The following TENM2 variants were observed in gnomAD, a reference collection of about 807,000 sequenced individuals.
TENM2 encodes teneurin-2.
A neutral mutation model predicts 245.2 loss-of-function variants in TENM2; 52 were observed. The ratio of observed to expected loss-of-function variants is 0.21; its 90% CI spans 0.17 to 0.27. The LOEUF (loss-of-function observed/expected upper bound fraction) is 0.27, where lower values mean the gene tolerates loss of function less well. TENM2 is among the 10% of genes least tolerant of loss of function. The probability of loss-of-function intolerance (pLI) is 1.00; values close to 1 mark genes in which losing one functional copy is unlikely to be tolerated. For synonymous variants in TENM2, 1,363 were observed against 1,438.9 expected, an observed-to-expected ratio of 0.95 and a Z score of 1.19; for missense variants, 3,046 against 3,666.8, an observed-to-expected ratio of 0.83 and a Z score of 4.37.
intron 2 of TENM2, among the ~76,000 whole-genome samples, chr5:167,479,636 A>C (rs1052864484): frequency 6.6e-6 from 1 of 152,200 alleles, no homozygotes; most frequent in Admixed American, 6.5e-5. Flanking sequence ...CTTTACTTGA[A>C]CATAAAGTTT....
chr5:167,760,801 G>A (rs533017255), intron 2 of TENM2, among the ~76,000 whole-genome samples: 4 of 152,116 alleles, frequency 2.6e-5, no homozygotes, highest in African/African-American at 7.2e-5. Context: ...TTACAGGCGC[G>A]TGCCACGATG....
chr5:167,405,554 A>G (rs1352480275), intron 2 of TENM2, among the ~76,000 whole-genome samples: 1 of 151,928 alleles, frequency 6.6e-6, no homozygotes, highest in Non-Finnish European at 1.5e-5. Context: ...TAATCTGGGT[A>G]ATGCCGGGCT....
chr5:167,549,259 T>C (rs542406604), intron 2 of TENM2, among the ~76,000 whole-genome samples: 3 of 152,290 alleles, frequency 2.0e-5, no homozygotes, highest in Admixed American at 2.0e-4. Flanking sequence ...GGCCTTTTTT[T>C]CCCTCTTGGT....
At chr5:167,122,106 A>G in the TENM2 span, among the ~76,000 whole-genome samples, 1 of 152,176 alleles carries the variant, frequency 6.6e-6, no homozygotes, top group African/African-American at 2.4e-5. Context: ...CATTCAACCT[A>G]ATGGATATAT....
intron 2 of TENM2, among the ~76,000 whole-genome samples, chr5:167,709,134 G>A (rs1286172405): frequency 2.0e-5 from 3 of 152,008 alleles, no homozygotes; most frequent in Non-Finnish European, 4.4e-5. Context: ...GGCAGACAGG[G>A]GACACTTCTC....
intron 4 of TENM2, among the ~76,000 whole-genome samples, chr5:167,984,414 T>G (rs1712363093): frequency 6.6e-6 from 1 of 152,160 alleles, no homozygotes; most frequent in African/African-American, 2.4e-5. Context: ...TTCTAGCACT[T>G]TGGGAGACTG....
chr5:167,587,184 G>A (rs1012622143), intron 2 of TENM2, among the ~76,000 whole-genome samples: 19 of 152,134 alleles, frequency 1.2e-4, no homozygotes, highest in Non-Finnish European at 1.8e-4. Flanking sequence ...ATCACTCACT[G>A]AGGTTTCATT....
chr5:167,157,188 C>T, the TENM2 span, among the ~76,000 whole-genome samples: 2 of 152,122 alleles, frequency 1.3e-5, no homozygotes, highest in Non-Finnish European at 2.9e-5. Flanking sequence ...ACAAAGAATG[C>T]CTTCCATCCT....
chr5:168,149,351 C>CA (rs1370571720), intron 12 of TENM2: 1 of 456,702 alleles, frequency 2.2e-6, no homozygotes, highest in Non-Finnish European at 4.4e-6. Flanking sequence ...AGAATCCTCA[C>CA]AAAATCCAGC....
intron 2 of TENM2, among the ~76,000 whole-genome samples, chr5:167,776,341 A>C (rs1561768925): frequency 1.3e-5 from 2 of 151,932 alleles, no homozygotes; most frequent in Non-Finnish European, 1.5e-5. Context: ...TCATGCCTGT[A>C]ATCCCAGCGC....
the TENM2 span, among the ~76,000 whole-genome samples, chr5:167,073,844 A>T: frequency 6.6e-6 from 1 of 152,196 alleles, no homozygotes; most frequent in African/African-American, 2.4e-5. Flanking sequence ...AGCAAAGAGA[A>T]AATCATTAAG....
chr5:167,502,280 T>C (rs1459322699), intron 2 of TENM2, among the ~76,000 whole-genome samples: 1 of 152,214 alleles, frequency 6.6e-6, no homozygotes, highest in Admixed American at 6.5e-5. Context: ...ATTTCTTCTT[T>C]TTTGTTTAAG....
At chr5:168,221,423 G>A (rs955545877) in intron 23 of TENM2, among the ~76,000 whole-genome samples, 2 of 152,324 alleles carry the variant, frequency 1.3e-5, no homozygotes, top group South Asian at 4.1e-4. Context: ...AGCAGGACTG[G>A]AATCCAGATC....
At chr5:167,412,902 AT>A (rs1234907429) in intron 2 of TENM2, among the ~76,000 whole-genome samples, 1 of 151,774 alleles carries the variant, frequency 6.6e-6, no homozygotes, top group African/African-American at 2.4e-5. Context: ...AGTGACTTCA[AT>A]TTATGACAAA....
chr5:167,234,174 A>G, the TENM2 span, among the ~76,000 whole-genome samples: 1 of 152,200 alleles, frequency 6.6e-6, no homozygotes, highest in Non-Finnish European at 1.5e-5. Context: ...GTGTATCCAG[A>G]TGAAACATGA....
Position 167,671,711 on chromosome 5 carries a change from C to T in TENM2, c.503-204275C>T, listed in dbSNP as rs146495521. ...ACACCTATAATATAGGTATATTCTA[C>T]GTAAATAAAATCTTTAGCTACAGAT... On this transcript the variant is annotated intron_variant, in intron 2 of 28. Coordinates refer to ENST00000518659, the Ensembl canonical transcript of TENM2. Among the ~76,000 whole-genome samples, 93 of 150,710 alleles carry T rather than the reference C, an allele frequency of 6.2e-4. 1 individual carries two copies. Among genetic ancestry groups the T allele is most frequent in the African/African-American group, 1.8e-3 (73 of 41,184 alleles).
At chr5:168,044,135 G>A (rs1788417294) in intron 5 of TENM2, among the ~76,000 whole-genome samples, 1 of 152,218 alleles carries the variant, frequency 6.6e-6, no homozygotes, top group Admixed American at 6.5e-5. Flanking sequence ...TTCAATGATG[G>A]TGGGGCGCGG....
chr5:167,218,813 G>A, the TENM2 span, among the ~76,000 whole-genome samples: 9 of 152,266 alleles, frequency 5.9e-5, no homozygotes, highest in Middle Eastern at 3.4e-3. Flanking sequence ...CAAGGGTATC[G>A]TTTTCAGTTC....
intron 2 of TENM2, among the ~76,000 whole-genome samples, chr5:167,681,329 A>G (rs1756692625): frequency 6.6e-6 from 1 of 152,176 alleles, no homozygotes; most frequent in African/African-American, 2.4e-5. Context: ...TATCATGGCT[A>G]TCTTTCCATT....
Sources: gnomAD v4.1 joint callset for allele counts (sites outside exome capture counted in the v4.1 genomes callset) on GRCh38, gnomAD v4.1.1 for gene constraint, MANE v1.5 for transcripts, NCBI Gene and HGNC (gene_info 2026-07-23, HGNC 2026-07-21) for gene names.